Variants in DLEC1 observed in about 807,000 individuals in gnomAD.
DLEC1 encodes deleted in lung and esophageal cancer protein 1.
In DLEC1, 146 loss-of-function variants were observed where a neutral mutation model predicts 198.1. The ratio of observed to expected loss-of-function variants is 0.74; its 90% CI spans 0.64 to 0.85. The LOEUF (loss-of-function observed/expected upper bound fraction) is 0.85. DLEC1 is among the 40% of genes least tolerant of loss of function. DLEC1 has a pLI of 0.00. For synonymous variants in DLEC1, 897 were observed against 866.8 expected, an observed-to-expected ratio of 1.03 and a Z score of -0.61; for missense variants, 2,233 against 2,220.0, an observed-to-expected ratio of 1.01 and a Z score of -0.12.
intron 6 of DLEC1, among the ~76,000 whole-genome samples, chr3:38,069,521 T>C (rs1697205752): frequency 6.6e-6 from 1 of 152,106 alleles, no homozygotes; most frequent in Admixed American, 6.5e-5. Flanking sequence ...AGCCAATTCT[T>C]TGAAACCCAG....
intron 18 of DLEC1, among the ~76,000 whole-genome samples, chr3:38,098,248 A>T (rs1373965679): frequency 6.6e-6 from 1 of 152,116 alleles, no homozygotes; most frequent in African/African-American, 2.4e-5. Context: ...CTCCAGCCGC[A>T]TTCCCACCTC....
chr3:38,091,745 A>G (rs1435675169), intron 10 of DLEC1, among the ~76,000 whole-genome samples: 1 of 152,226 alleles, frequency 6.6e-6, no homozygotes, highest in Admixed American at 6.5e-5. Flanking sequence ...CAATGAGTAT[A>G]TGAAAACATT....
chr3:38,115,266 CT>C (rs1338904610), intron 27 of DLEC1, among the ~76,000 whole-genome samples: 1 of 152,210 alleles, frequency 6.6e-6, no homozygotes, highest in Non-Finnish European at 1.5e-5. Context: ...GAGGGGATCC[CT>C]TTCTCATTCC....
chr3:38,045,468 GGTAGGGCTGA>G (rs1212801992), intron 1 of DLEC1, 65 bp from the exon 2 acceptor site: 1 of 1,531,998 alleles, frequency 6.5e-7, no homozygotes, highest in African/African-American at 1.4e-5. Flanking sequence ...CTGATCCTGG[GGTAGGGCTGA>G]GTAAAGCTAA....
intron 18 of DLEC1, among the ~76,000 whole-genome samples, chr3:38,098,851 T>C (rs1010528848): frequency 6.6e-6 from 1 of 152,182 alleles, no homozygotes; most frequent in South Asian, 2.1e-4. Context: ...CTAGAAGTTA[T>C]GACAGTGTGC....
chr3:38,111,215 A>G (rs1575223726), intron 23 of DLEC1, among the ~76,000 whole-genome samples: 1 of 152,292 alleles, frequency 6.6e-6, no homozygotes, highest in South Asian at 2.1e-4. Context: ...GTGGAAGGCG[A>G]CCCATGAACA....
intron 6 of DLEC1, among the ~76,000 whole-genome samples, chr3:38,069,122 G>A (rs1339557460): frequency 6.6e-6 from 1 of 152,148 alleles, no homozygotes; most frequent in Non-Finnish European, 1.5e-5. Context: ...TATCTTTGGG[G>A]AGTGGGAAAT....
At chr3:38,120,663 G>A in intron 34 of DLEC1, 54 bp downstream of exon 34, 1 of 1,606,648 alleles carries the variant, frequency 6.2e-7, no homozygotes. Context: ...GCTGGGCTGT[G>A]TTCTGCTGGG....
Position 38,123,177 on chromosome 3 carries a change from G to T in DLEC1, c.*765G>T. ...AAAGGCACCCACCAAATTACCTCCA[G>T]ACCAGGCTGACCCAGAAGGACGTCA... is the stretch of plus-strand genomic sequence containing the variant. On this transcript the variant is annotated 3_prime_UTR_variant, in exon 37 of 37. Transcript: ENST00000308059. 6.5e-7 allele frequency: 1 copy of T among 1,536,854 alleles called. No individual in the cohort carries two copies. Among genetic ancestry groups the T allele is most frequent in the South Asian group, 1.1e-5 (1 of 89,502 alleles).
chr3:38,039,434 C>T lies in DLEC1; in HGVS notation c.209C>T (p.Ala70Val), dbSNP rs1347083414. The T allele has an allele frequency of 2.5e-6, 4 of 1,613,618 alleles. No individual in the cohort carries two copies. In the African/African-American group the frequency reaches 5.3e-5, roughly 22 times the overall value. ...AARPRRLTQL[A>V]LAQRPEPQLL... ...CGGCCCCGCCGCCTCACGCAGCTTG[C>T]GCTGGCGCAGCGTCCCGAGCCTCAG... Residue 70 changes from alanine (A) to valine (V), a missense_variant, in exon 1 of 37, where the codon GCG (alanine) becomes GTG (valine). Physicochemically the swap from Ala to Val is moderately conservative, Grantham distance 64. Transcript: ENST00000308059.
In DLEC1 at chr3:38,122,443, C is replaced by CA; in HGVS notation, c.*32dup. 1 of 1,614,122 alleles carries CA rather than the reference C, an allele frequency of 6.2e-7. No homozygotes were observed. The highest frequency in any genetic ancestry group is 1.1e-5 in the South Asian group (1 of 91,034). Reference sequence around the variant, plus strand: ...CGCCCCAGCCCTCAGCCCCAGGCCCCAGCTGGAGAAAAAACATTGCCCAGG... The same window carrying CA: ...CGCCCCAGCCCTCAGCCCCAGGCCCCAAGCTGGAGAAAAAACATTGCCCAGG... On this transcript the variant is annotated 3_prime_UTR_variant, in exon 37 of 37. Coordinates refer to ENST00000308059, the MANE Select transcript of DLEC1 (RefSeq NM_007335.4).
intron 1 of DLEC1, among the ~76,000 whole-genome samples, chr3:38,042,834 C>T (rs544941798): frequency 8.5e-5 from 13 of 152,250 alleles, no homozygotes; most frequent in African/African-American, 2.9e-4. Context: ...GGATTACAGA[C>T]GTGAGACACT....
Position 38,122,477 on chromosome 3 carries a change from G to T in DLEC1, c.*65G>T. 6.2e-7 allele frequency: 1 copy of T among 1,613,614 alleles called. No homozygotes were observed. Among genetic ancestry groups the T allele is most frequent in the Non-Finnish European group, 8.5e-7 (1 of 1,179,950 alleles). On this transcript the variant is annotated 3_prime_UTR_variant, in exon 37 of 37. Transcript: ENST00000308059. ...AAAAAACATTGCCCAGGGATTAGGA[G>T]CAGCTCTTCAGCACAAAGACACAGA...
chr3:38,118,487 C>T (rs1483776478), intron 33 of DLEC1, among the ~76,000 whole-genome samples: 1 of 152,222 alleles, frequency 6.6e-6, no homozygotes, highest in Non-Finnish European at 1.5e-5. Context: ...CCTCTTCTGA[C>T]TTATTCTCAG....
chr3:38,074,450 G>A (rs760815594), intron 6 of DLEC1, among the ~76,000 whole-genome samples: 25 of 152,236 alleles, frequency 1.6e-4, no homozygotes, highest in African/African-American at 2.4e-4. Flanking sequence ...GCGGTAAAGC[G>A]TCTAAGGGTT....
chr3:38,121,650 T>C lies in DLEC1; in HGVS notation c.4889T>C (p.Val1630Ala). The C allele has an allele frequency of 6.2e-7, 1 of 1,613,862 alleles. No homozygotes were observed. Among genetic ancestry groups the C allele is most frequent in the Non-Finnish European group, 8.5e-7 (1 of 1,179,916 alleles). Reference protein sequence around the residue: ...TTQVVPLRAVVAVPELQLSTS... With the variant: ...TTQVVPLRAVAAVPELQLSTS... ...CAGGTGGTGCCCCTGCGGGCTGTGG[T>C]GGCCGTGCCTGAGCTGCAGCTCTCC... The change falls in exon 35 of 37, where the codon GTG becomes GCG. Residue 1630 changes from valine (V) to alanine (A), a missense_variant. Physicochemically the swap from Val to Ala is moderately conservative, Grantham distance 64. Transcript: ENST00000308059.
chr3:38,122,327 G>C lies in DLEC1; in HGVS notation c.5183G>C (p.Gly1728Ala). Residue 1728 changes from glycine to alanine, a missense_variant, in exon 37 of 37, where the codon GGT becomes GCT. By Grantham distance (60) the Gly-to-Ala change is moderately conservative. Transcript: ENST00000308059. ...ELYESTMVVE[G>A]VLGEKSCTLR... The stretch of plus-strand genomic sequence containing the variant: ...TACGAGTCCACGATGGTGGTGGAAG[G>C]TGTGCTCGGTGAGAAGTCCTGCACC... 2 of 1,614,086 alleles carry C rather than the reference G, an allele frequency of 1.2e-6. No homozygotes were observed. The highest frequency in any genetic ancestry group is 1.3e-5 in the African/African-American group (1 of 75,028).
intron 19 of DLEC1, among the ~76,000 whole-genome samples, chr3:38,101,919 C>T (rs572992216): frequency 8.5e-5 from 13 of 152,224 alleles, no homozygotes; most frequent in African/African-American, 3.1e-4. Context: ...GTTCTTTCTC[C>T]TGAAAGGACC....
intron 1 of DLEC1, among the ~76,000 whole-genome samples, chr3:38,039,898 A>G (rs780101485): frequency 6.6e-5 from 10 of 152,250 alleles, no homozygotes; most frequent in Non-Finnish European, 1.0e-4. Context: ...CATACGTTAT[A>G]TATTGCATAT....
Sources: gnomAD v4.1 joint callset for allele counts (sites outside exome capture counted in the v4.1 genomes callset) on GRCh38, gnomAD v4.1.1 for gene constraint, MANE v1.5 for transcripts, NCBI Gene and HGNC (gene_info 2026-07-23, HGNC 2026-07-21) for gene names.